Variants in NUFIP1 observed in about 807,000 individuals in gnomAD.
NUFIP1 encodes nuclear FMR1 interacting protein 1.
NUFIP1 carries 38 observed loss-of-function variants against 56.2 expected under a neutral mutation model. That is an observed-to-expected ratio of 0.68 (90% CI 0.52 to 0.89). The LOEUF is 0.89. Among genes scored for constraint, NUFIP1 ranks in the 40% least tolerant of loss-of-function variants. The probability of loss-of-function intolerance (pLI) is 0.00; values close to 1 mark genes in which losing one functional copy is unlikely to be tolerated. For synonymous variants in NUFIP1, 215 were observed against 212.4 expected, an observed-to-expected ratio of 1.01 and a Z score of -0.10; for missense variants, 567 against 605.8, an observed-to-expected ratio of 0.94 and a Z score of 0.67.
intron 7 of NUFIP1, among the ~76,000 whole-genome samples, chr13:44,953,935 C>T (rs12431176): frequency 0.11 from 16,477 of 152,088 alleles, 1,738 homozygotes; most frequent in African/African-American, 0.26. Context: ...AGGGACAAAC[C>T]ATATGTAATA....
Position 44,978,565 on chromosome 13 carries a change from T to G in NUFIP1, c.734+625A>C, listed in dbSNP as rs536513747. On this transcript the variant is annotated intron_variant, in intron 5 of 9. Transcript: ENST00000379161. ...TATTACAGCTAGACATCAACTAAAC[T>G]TTCTTCCTTAGTAAGTGTAAAACCA... Among the ~76,000 whole-genome samples the G allele has an allele frequency of 2.0e-5, 3 of 152,330 alleles. No homozygotes were observed. In the East Asian group the frequency reaches 5.8e-4, roughly 29 times the overall value.
At chr13:44,980,049 A>G (rs1593370082) in intron 3 of NUFIP1, 97 bp from the exon 4 acceptor site, 2 of 851,224 alleles carry the variant, frequency 2.3e-6, no homozygotes, top group East Asian at 5.3e-5. Flanking sequence ...TGGCTGTATT[A>G]CATAGTTATC....
chr13:44,945,207 A>G (rs997673603), intron 8 of NUFIP1, among the ~76,000 whole-genome samples: 1 of 152,032 alleles, frequency 6.6e-6, no homozygotes, highest in Non-Finnish European at 1.5e-5. Flanking sequence ...TATAGATCCT[A>G]CAGATATCAC....
At chr13:44,966,048 T>C (rs1871590178) in intron 5 of NUFIP1, 112 bp from the exon 6 acceptor site, 2 of 469,276 alleles carry the variant, frequency 4.3e-6, no homozygotes, top group South Asian at 1.0e-4. Flanking sequence ...CACAGCAAAT[T>C]ATAAACCTTT....
At chr13:44,941,634 C>A (rs1264534260) in intron 9 of NUFIP1, among the ~76,000 whole-genome samples, 1 of 152,116 alleles carries the variant, frequency 6.6e-6, no homozygotes, top group African/African-American at 2.4e-5. Flanking sequence ...CTGCCTCAGC[C>A]TCCCGAGTAG....
intron 7 of NUFIP1, among the ~76,000 whole-genome samples, chr13:44,953,287 T>TG (rs1039384487): frequency 6.6e-6 from 1 of 152,124 alleles, no homozygotes; most frequent in Non-Finnish European, 1.5e-5. Context: ...ATAAATATTT[T>TG]GGGGGGAGAT....
chr13:44,944,947 G>C (rs758945400), intron 8 of NUFIP1, among the ~76,000 whole-genome samples: 22 of 151,976 alleles, frequency 1.4e-4, no homozygotes, highest in Non-Finnish European at 2.7e-4. Context: ...GCTTAAATTA[G>C]AAATGAGAAA....
chr13:44,980,034 T>C, intron 3 of NUFIP1, 82 bp from the exon 4 acceptor site: 1 of 982,712 alleles, frequency 1.0e-6, no homozygotes, highest in Non-Finnish European at 1.5e-6. Flanking sequence ...TACACAGACA[T>C]ATTCTGGCTG....
At chr13:44,946,488 G>A (rs1870905372) in intron 8 of NUFIP1, among the ~76,000 whole-genome samples, 1 of 152,108 alleles carries the variant, frequency 6.6e-6, no homozygotes, top group African/African-American at 2.4e-5. Flanking sequence ...ATGCTAACAT[G>A]CAGAATAGAT....
chr13:44,977,663 A>G (rs1475931894), intron 5 of NUFIP1, among the ~76,000 whole-genome samples: 2 of 152,224 alleles, frequency 1.3e-5, no homozygotes, highest in Non-Finnish European at 2.9e-5. Context: ...CAGGTGGCCT[A>G]GATTCCTTCA....
intron 5 of NUFIP1, among the ~76,000 whole-genome samples, chr13:44,971,052 G>A (rs559217322): frequency 6.6e-6 from 1 of 152,186 alleles, no homozygotes; most frequent in Non-Finnish European, 1.5e-5. Context: ...CATACCAAAA[G>A]AAAAGCAGTA....
At chr13:44,956,285 G>GC (rs1871241531) in intron 7 of NUFIP1, among the ~76,000 whole-genome samples, 2 of 152,234 alleles carry the variant, frequency 1.3e-5, no homozygotes, top group South Asian at 2.1e-4. Context: ...TGAAAACGGG[G>GC]ATAGATTGTC....
intron 7 of NUFIP1, 105 bp downstream of exon 7, chr13:44,959,276 G>A: frequency 2.0e-6 from 2 of 1,022,802 alleles, no homozygotes; most frequent in East Asian, 2.4e-5. Flanking sequence ...ATTCTGCATT[G>A]TTATACATTT....
intron 5 of NUFIP1, among the ~76,000 whole-genome samples, chr13:44,971,007 GA>G (rs1483708387): frequency 1.3e-5 from 2 of 152,064 alleles, no homozygotes; most frequent in African/African-American, 4.8e-5. Context: ...TGCTAGTGGG[GA>G]TAGTATTTAT....
intron 6 of NUFIP1, among the ~76,000 whole-genome samples, chr13:44,959,914 T>C (rs1212571926): frequency 6.6e-6 from 1 of 151,942 alleles, no homozygotes; most frequent in East Asian, 1.9e-4. Flanking sequence ...CTATTGTACA[T>C]GAAAGTTTCT....
intron 6 of NUFIP1, among the ~76,000 whole-genome samples, chr13:44,961,965 T>C (rs1399141338): frequency 6.6e-6 from 1 of 152,254 alleles, no homozygotes; most frequent in Non-Finnish European, 1.5e-5. Context: ...GGAGTAGTTC[T>C]GTTATACCAC....
intron 1 of NUFIP1, among the ~76,000 whole-genome samples, chr13:44,985,675 T>C (rs1276922424): frequency 6.6e-6 from 1 of 152,202 alleles, no homozygotes; most frequent in Admixed American, 6.5e-5. Flanking sequence ...ATCGTGGCCA[T>C]ATAAGATGGT....
intron 8 of NUFIP1, among the ~76,000 whole-genome samples, chr13:44,947,825 A>G (rs1673495779): frequency 6.6e-6 from 1 of 152,196 alleles, no homozygotes; most frequent in Admixed American, 6.5e-5. Flanking sequence ...TCTTCACACC[A>G]ATGTATGAGA....
At position 44,965,856 on chromosome 13, in the gene NUFIP1, G is replaced by T; in HGVS notation, c.815C>A (p.Thr272Lys). ...ATAAGGAGCTTACCCATATTGTGTT[G>T]TTGTCAATACTGCTCCTCTCTTCTC... ...EKEKRGAVLT[T>K]TQYGKMKGMS... The change falls in exon 6 of 10, where the codon ACA becomes AAA. Residue 272 changes from threonine to lysine, a missense_variant. Physicochemically the swap from Thr to Lys is moderately conservative, Grantham distance 78 (BLOSUM62 -1). Transcript: ENST00000379161. The T allele has an allele frequency of 6.3e-7, 1 of 1,591,250 alleles. No homozygotes were observed. The highest frequency in any genetic ancestry group is 1.2e-5 in the South Asian group (1 of 86,648).
Sources: allele counts gnomAD v4.1 joint callset (sites outside exome capture counted in the v4.1 genomes callset), GRCh38; gene constraint gnomAD v4.1.1; transcripts MANE v1.5; gene names NCBI Gene and HGNC (gene_info 2026-07-23, HGNC 2026-07-21).